Variants in ZBTB40 observed in about 807,000 individuals in gnomAD.
ZBTB40 encodes zinc finger and BTB domain-containing protein 40.
Under a neutral mutation model 117.5 loss-of-function variants are expected in ZBTB40, and 60 were observed. That is an observed-to-expected ratio of 0.51 (90% CI 0.41 to 0.63). The LOEUF (loss-of-function observed/expected upper bound fraction) is 0.63. ZBTB40 is among the 30% of genes least tolerant of loss of function. ZBTB40 has a pLI of 0.00. For missense variants in ZBTB40, 1,287 were observed against 1,498.5 expected (o/e 0.86, Z 2.33); for synonymous variants, 525 against 577.1 (o/e 0.91, Z 1.29).
Position 22,521,628 on chromosome 1 carries a change from C to T in ZBTB40, c.3181C>T (p.His1061Tyr), listed in dbSNP as rs757495885. 1.2e-6 allele frequency: 2 copies of T among 1,614,220 alleles called. No individual in the cohort carries two copies. The highest frequency in any genetic ancestry group is 2.2e-5 in the South Asian group (2 of 91,086). ...CAAAACCTTCCCCAACACCATTGAG[C>T]ACAAGAAGCACATCAAAGCAGAACA... Reference protein sequence around the residue: ...CDKTFPNTIEHKKHIKAEHAD... With the variant: ...CDKTFPNTIEYKKHIKAEHAD... Residue 1061 changes from histidine to tyrosine, a missense_variant, in exon 15 of 18, where the codon CAC (histidine) becomes TAC (tyrosine). His to Tyr is a moderately conservative substitution (Grantham distance 83). Coordinates refer to ENST00000375647, the MANE Select transcript of ZBTB40 (RefSeq NM_014870.4).
chr1:22,444,826 C>T (rs1217243598), intron 1 of ZBTB40, among the ~76,000 whole-genome samples: 3 of 152,236 alleles, frequency 2.0e-5, no homozygotes, highest in African/African-American at 7.2e-5. Context: ...TCTCTCAAGT[C>T]ACCCGCTTGG....
rs1639553838 is a variant in ZBTB40, at chr1:22,522,403, T to C, written c.3238T>C (p.Cys1080Arg). ...ADMKFHECDQ[C>R]KELFPTPALL... ...TATGAAGTTCCATGAATGTGACCAG[T>C]GTAAGGAGCTCTTCCCCACGCCAGC... is the stretch of plus-strand genomic sequence containing the variant. The change falls in exon 16 of 18, where the codon TGT becomes CGT. Residue 1080 changes from cysteine to arginine, a missense_variant. This residue lies in a region of ZBTB40 where 417 missense variants were observed against 564.1 expected (regional missense o/e 0.74). Coordinates refer to ENST00000375647, the MANE Select transcript of ZBTB40 (RefSeq NM_014870.4). 2 of 1,614,054 alleles carry C rather than the reference T, an allele frequency of 1.2e-6. No individual in the cohort carries two copies. Among genetic ancestry groups the C allele is most frequent in the African/African-American group, 1.3e-5 (1 of 74,924 alleles).
chr1:22,463,022 A>G (rs1641166833), intron 1 of ZBTB40, among the ~76,000 whole-genome samples: 1 of 152,224 alleles, frequency 6.6e-6, no homozygotes, highest in Non-Finnish European at 1.5e-5. Context: ...ACAGTGTTAC[A>G]GGAACTGCTG....
intron 5 of ZBTB40, among the ~76,000 whole-genome samples, chr1:22,503,006 GTTATAT>G (rs1263727495): frequency 6.6e-6 from 1 of 151,904 alleles, no homozygotes; most frequent in Non-Finnish European, 1.5e-5. Context: ...CCAGGATGAG[GTTATAT>G]AGAACATATG....
At chr1:22,460,881 A>C (rs1345516843) in intron 1 of ZBTB40, among the ~76,000 whole-genome samples, 1 of 152,140 alleles carries the variant, frequency 6.6e-6, no homozygotes, top group Non-Finnish European at 1.5e-5. Context: ...ACACCCAGAT[A>C]CTTCCTTCTC....
intron 1 of ZBTB40, among the ~76,000 whole-genome samples, chr1:22,454,990 C>G (rs1640972131): frequency 6.6e-6 from 1 of 152,204 alleles, no homozygotes; most frequent in South Asian, 2.1e-4. Context: ...CCTCTACTTT[C>G]TATCTCCAGA....
chr1:22,487,365 G>A (rs1013445975), intron 1 of ZBTB40, among the ~76,000 whole-genome samples: 6 of 152,096 alleles, frequency 3.9e-5, no homozygotes, highest in South Asian at 4.2e-4. Context: ...ATGTCTTTCC[G>A]CCCTTTTCTT....
chr1:22,460,273 T>C (rs1641101391), intron 1 of ZBTB40, among the ~76,000 whole-genome samples: 1 of 152,192 alleles, frequency 6.6e-6, no homozygotes, highest in African/African-American at 2.4e-5. Context: ...GGAAAGGTCA[T>C]CCTTGTTGTA....
chr1:22,437,362 T>G (rs1182023103), intron 1 of ZBTB40, among the ~76,000 whole-genome samples: 1 of 151,260 alleles, frequency 6.6e-6, no homozygotes, highest in Non-Finnish European at 1.5e-5. Flanking sequence ...GTTGGAGGAG[T>G]GCACATACTT....
At position 22,529,812 on chromosome 1, in the gene ZBTB40, G is replaced by A. The variant is rs1261406840; in HGVS notation, c.*3416G>A. On this transcript the variant is annotated 3_prime_UTR_variant, in exon 18 of 18. Coordinates refer to ENST00000375647, the MANE Select transcript of ZBTB40 (RefSeq NM_014870.4). ...CCCACTGACCACGGAAGGCATGTCAGCTTCATGCCTCGGGCTAGAGTTCTG... is the reference window on the plus strand; with the variant it reads ...CCCACTGACCACGGAAGGCATGTCAACTTCATGCCTCGGGCTAGAGTTCTG... 6.6e-6 allele frequency: 1 copy of A among 152,238 alleles called. No homozygotes were observed. The highest frequency in any genetic ancestry group is 1.5e-5 in the Non-Finnish European group (1 of 68,046). The allele number at this position is 152,238 out of a possible 1,614,324, so 9.4% of individuals were successfully genotyped here.
intron 1 of ZBTB40, among the ~76,000 whole-genome samples, chr1:22,430,853 G>A (rs1043487908): frequency 2.0e-5 from 3 of 151,968 alleles, no homozygotes; most frequent in African/African-American, 4.8e-5. Flanking sequence ...GAGCTTTTTT[G>A]TTATTAGTTC....
chr1:22,465,372 T>C (rs1266368896), intron 1 of ZBTB40, among the ~76,000 whole-genome samples: 1 of 152,188 alleles, frequency 6.6e-6, no homozygotes, highest in Non-Finnish European at 1.5e-5. Flanking sequence ...CAGCTGTGGC[T>C]GAGTCCGGGG....
chr1:22,439,680 C>T (rs1418841104), intron 1 of ZBTB40, among the ~76,000 whole-genome samples: 1 of 152,148 alleles, frequency 6.6e-6, no homozygotes, highest in Admixed American at 6.5e-5. Flanking sequence ...CTTTATTCTA[C>T]TCCATTAGTG....
At chr1:22,481,160 A>C (rs1166563009) in intron 1 of ZBTB40, among the ~76,000 whole-genome samples, 1 of 151,916 alleles carries the variant, frequency 6.6e-6, no homozygotes, top group Non-Finnish European at 1.5e-5. Context: ...TTTCAAGCCT[A>C]TGTATTTTAA....
upstream of ZBTB40, chr1:22,451,760 A>C (rs1284935015): frequency 1.3e-5 from 2 of 152,256 alleles, no homozygotes; most frequent in African/African-American, 4.8e-5. Context: ...CCGCCGTCCT[A>C]GCATAGGTGG....
At chr1:22,508,826 C>T in intron 8 of ZBTB40, 95 bp downstream of exon 8, 1 of 1,289,716 alleles carries the variant, frequency 7.8e-7, no homozygotes. Flanking sequence ...CGGTAGTCAC[C>T]TACATCCCTA....
At chr1:22,450,246 C>T (rs1640843883), upstream of ZBTB40, among the ~76,000 whole-genome samples, 1 of 152,176 alleles carries the variant, frequency 6.6e-6, no homozygotes, top group African/African-American at 2.4e-5. Flanking sequence ...CCTGTAATCC[C>T]ATTAACTCGA....
At chr1:22,429,710 T>A (rs1342344860) in intron 1 of ZBTB40, among the ~76,000 whole-genome samples, 2 of 151,930 alleles carry the variant, frequency 1.3e-5, no homozygotes, top group Admixed American at 6.5e-5. Flanking sequence ...TGATGTCTGC[T>A]GGCCAGACGC....
At chr1:22,467,529 C>T (rs2124398587) in intron 1 of ZBTB40, among the ~76,000 whole-genome samples, 1 of 152,294 alleles carries the variant, frequency 6.6e-6, no homozygotes, top group East Asian at 1.9e-4. Context: ...GGCTGTAGTG[C>T]AGTGGCGCAA....
Sources: gnomAD v4.1 joint callset for allele counts (sites outside exome capture counted in the v4.1 genomes callset) on GRCh38, gnomAD v4.1.1 for gene constraint, gnomAD v4.1.1 regional missense constraint, MANE v1.5 for transcripts, NCBI Gene and HGNC (gene_info 2026-07-23, HGNC 2026-07-21) for gene names.